The following DDX3X variants were observed in gnomAD, a reference collection of about 807,000 sequenced individuals.
The protein encoded by DDX3X is ATP-dependent RNA helicase DDX3X.
In DDX3X, 4 loss-of-function variants were observed where a neutral mutation model predicts 52.7. The ratio of observed to expected loss-of-function variants is 0.08; its 90% confidence interval spans 0.04 to 0.17. DDX3X has a LOEUF of 0.17. Ranked by LOEUF, DDX3X falls within the 10% of genes least tolerant of loss-of-function variation. The pLI, the probability that DDX3X is intolerant of heterozygous loss-of-function variation, is 1.00. For missense variants in DDX3X, 222 were observed against 548.6 expected (o/e 0.40, Z 5.95); for synonymous variants, 192 against 178.1 (o/e 1.08, Z -0.62).
In DDX3X at chrX:41,361,454, G is replaced by C. The variant is rs866507413; in HGVS notation, c.655-2820G>C. Among the ~76,000 whole-genome samples, 4 of 110,936 alleles carry C rather than the reference G, an allele frequency of 3.6e-5. No homozygotes were observed. The Admixed American group carries it at 3.9e-4, about 11-fold the overall frequency. ...TTGAACCCGGGAGGCGGAGGTTGCG[G>C]TGAGTTGAGATCATGCCACTGCACT... On this transcript the variant is annotated intron_variant, in intron 5 of 5. Coordinates refer to the DDX3X transcript ENST00000616050.
chrX:41,337,553 C>T, intron 2 of DDX3X, 88 bp downstream of exon 2: 1 of 811,415 alleles, frequency 1.2e-6, no homozygotes, highest in Non-Finnish European at 1.8e-6. Context: ...AAGAAATTTG[C>T]CTTTCAATTT....
At chrX:41,338,185 A>G (rs1462032194) in intron 2 of DDX3X, 2 of 110,797 alleles carry the variant, frequency 1.8e-5, no homozygotes, top group Non-Finnish European at 3.8e-5. Context: ...TTATAAGGGC[A>G]ATAGACCCTT....
At chrX:41,351,477 C>G (rs1281915697), downstream of DDX3X, 1 of 111,289 alleles carries the variant, frequency 9.0e-6, no homozygotes, top group African/African-American at 3.3e-5. Context: ...CTATGCTCTA[C>G]GTGACCTGCT....
upstream of DDX3X, chrX:41,334,048 C>A (rs768909299): frequency 3.2e-5 from 14 of 431,099 alleles, no homozygotes; most frequent in African/African-American, 1.7e-4. Flanking sequence ...AGTAGCCGGG[C>A]AGAAGTCGCC....
intron 1 of DDX3X, chrX:41,336,244 CT>C (rs755515161): frequency 2.3e-4 from 26 of 111,829 alleles, no homozygotes; most frequent in Non-Finnish European, 4.7e-4. Context: ...AAATGAAACA[CT>C]TTGCATGTAT....
chrX:41,355,068 G>T (rs753058086), downstream of DDX3X, among the ~76,000 whole-genome samples: 2 of 111,261 alleles, frequency 1.8e-5, no homozygotes, highest in African/African-American at 6.5e-5. Context: ...TGATCCGCCC[G>T]CCTCGGCCTC....
chrX:41,363,651 C>T (rs761276326), intron 5 of DDX3X, among the ~76,000 whole-genome samples: 96 of 109,824 alleles, frequency 8.7e-4, no homozygotes, highest in African/African-American at 3.0e-3. Context: ...GGCATGGTGG[C>T]GCATGCCTGT....
rs1236216499 is a variant in DDX3X at position 41,348,899 on chromosome X, A to G, written c.*1180A>G. The G allele has an allele frequency of 8.9e-6, 1 of 112,719 alleles. No homozygotes were observed. Among genetic ancestry groups the G allele is most frequent in the African/African-American group, 3.2e-5 (1 of 30,963 alleles). 9.3% of individuals were successfully genotyped at this position (112,719 alleles called of 1,213,427 possible). On this transcript the variant is annotated 3_prime_UTR_variant, in exon 17 of 17. Coordinates refer to ENST00000644876, the MANE Select transcript of DDX3X (RefSeq NM_001356.5). ...GATCACACAGGTTGGAAATATGTAC[A>G]TAACTGCACAAGGTGTCAATTCTGC... is the stretch of plus-strand genomic sequence containing the variant.
At chrX:41,355,010 G>A (rs1249034157), downstream of DDX3X, among the ~76,000 whole-genome samples, 1 of 110,680 alleles carries the variant, frequency 9.0e-6, no homozygotes, top group Non-Finnish European at 1.9e-5. Flanking sequence ...TAGTAGAGGC[G>A]GGGTTTCACC....
At chrX:41,339,287 T>C (rs2147344304) in intron 3 of DDX3X, 1 of 208,583 alleles carries the variant, frequency 4.8e-6, no homozygotes, top group East Asian at 8.9e-5. Flanking sequence ...GGCATTCCTA[T>C]GTCAAACTGT....
chrX:41,354,822 TTTG>T (rs200807872), downstream of DDX3X, among the ~76,000 whole-genome samples: 902 of 104,875 alleles, frequency 8.6e-3, 12 homozygotes, highest in African/African-American at 0.029. Context: ...TGTAAATAGT[TTTG>T]TTGTTGTTGT....
Position 41,342,492 on chromosome X carries a change from C to T in DDX3X, c.285-3C>T. 1 of 1,210,517 alleles carries T rather than the reference C, an allele frequency of 8.3e-7. No homozygotes were observed. Among genetic ancestry groups the T allele is most frequent in the Non-Finnish European group, 1.1e-6 (1 of 894,703 alleles). ...ATTCTGATTAATTGCTTGTGCTGTTCAGGTTTGATGATCGTGGACGGAGTG... is the reference window on the plus strand; with the variant it reads ...ATTCTGATTAATTGCTTGTGCTGTTTAGGTTTGATGATCGTGGACGGAGTG... On this transcript the variant is annotated splice_polypyrimidine_tract_variant and splice_region_variant and intron_variant, in intron 4 of 16. Coordinates refer to ENST00000644876, the MANE Select transcript of DDX3X (RefSeq NM_001356.5).
intron 16 of DDX3X, 69 bp downstream of exon 16, chrX:41,347,520 C>T (rs1018506792): frequency 8.5e-7 from 1 of 1,175,917 alleles, no homozygotes; most frequent in Non-Finnish European, 1.1e-6. Flanking sequence ...TTTTCAAAGC[C>T]TAATTAAACA....
rs908687069 is a variant in DDX3X, at chrX:41,349,349, C to T, written c.*1630C>T. ...TCTTGTGTGCGTGTCCTTAAACTTCCAATCTTACTTTGTCTCTTGGAGATT... is the reference window on the plus strand; with the variant it reads ...TCTTGTGTGCGTGTCCTTAAACTTCTAATCTTACTTTGTCTCTTGGAGATT... On this transcript the variant is annotated 3_prime_UTR_variant, in exon 17 of 17. Transcript: ENST00000644876. 1 of 111,506 alleles carries T rather than the reference C, an allele frequency of 9.0e-6. No homozygotes were observed. Among genetic ancestry groups the T allele is most frequent in the Non-Finnish European group, 1.9e-5 (1 of 53,105 alleles). 9.2% of individuals were successfully genotyped at this position (111,506 alleles called of 1,213,427 possible).
At chrX:41,343,988 C>A in intron 8 of DDX3X, 42 bp from the exon 9 acceptor site, 1 of 1,088,725 alleles carries the variant, frequency 9.2e-7, no homozygotes. Flanking sequence ...ACTTTTCAAA[C>A]AGGGTAGGTA....
At chrX:41,345,723 C>T (rs2063914634) in intron 12 of DDX3X, 175 bp downstream of exon 12, 1 of 434,411 alleles carries the variant, frequency 2.3e-6, no homozygotes, top group Admixed American at 4.8e-5. Flanking sequence ...CTGGTGCTCC[C>T]TTGCTTCCGG....
chrX:41,346,743 C>T (rs2063930749), intron 14 of DDX3X, 116 bp from the exon 15 acceptor site: 3 of 961,691 alleles, frequency 3.1e-6, no homozygotes, highest in Non-Finnish European at 4.3e-6. Flanking sequence ...GCTCAAAGCA[C>T]TTGTTTAAAT....
chrX:41,335,873 C>T (rs983734394), intron 1 of DDX3X: 20 of 111,847 alleles, frequency 1.8e-4, no homozygotes, highest in African/African-American at 6.5e-4. Context: ...CTATAGTGTC[C>T]TTTTAAGGAT....
intron 10 of DDX3X, 73 bp from the exon 11 acceptor site, chrX:41,345,105 AAC>A (rs889597876): frequency 5.1e-6 from 5 of 986,707 alleles, no homozygotes; most frequent in Non-Finnish European, 5.7e-6. Flanking sequence ...TAATTATACT[AAC>A]AGCCATACTA....
Sources: gnomAD v4.1 joint callset for allele counts (sites outside exome capture counted in the v4.1 genomes callset) on GRCh38, gnomAD v4.1.1 for gene constraint, MANE v1.5 for transcripts, NCBI Gene and HGNC (gene_info 2026-07-23, HGNC 2026-07-21) for gene names.